SLC35G1: variants seen among roughly 807,000 people sequenced by gnomAD.
The protein encoded by SLC35G1 is solute carrier family 35 member G1.
SLC35G1 carries 10 observed loss-of-function variants against 17.1 expected under a neutral mutation model. The ratio of observed to expected loss-of-function variants is 0.59; its 90% CI spans 0.36 to 0.99. The LOEUF (loss-of-function observed/expected upper bound fraction) is 0.99, where lower values mean the gene tolerates loss of function less well. SLC35G1 is among the 50% of genes least tolerant of loss of function. SLC35G1 has a pLI of 0.01. For missense variants in SLC35G1, 433 were observed against 468.4 expected, an observed-to-expected ratio of 0.92 and a Z score of 0.70; for synonymous variants, 185 against 181.1, an observed-to-expected ratio of 1.02 and a Z score of -0.18.
downstream of SLC35G1, chr10:93,906,123 CTA>C (rs1414723457): frequency 1.3e-5 from 2 of 152,208 alleles, no homozygotes; most frequent in Non-Finnish European, 2.9e-5. Flanking sequence ...AATAATACAA[CTA>C]TATTTGATTT....
At chr10:93,906,035 A>C (rs1471118320), downstream of SLC35G1, among the ~76,000 whole-genome samples, 1 of 152,188 alleles carries the variant, frequency 6.6e-6, no homozygotes, top group Non-Finnish European at 1.5e-5. Flanking sequence ...GGCTGTTCTT[A>C]CCGCTGTTCC....
chr10:93,894,782 A>C (rs1026626005), intron 1 of SLC35G1, among the ~76,000 whole-genome samples: 1 of 152,188 alleles, frequency 6.6e-6, no homozygotes, highest in Non-Finnish European at 1.5e-5. Flanking sequence ...CTTGTTAAGA[A>C]GCTCACAGCC....
intron 2 of SLC35G1, among the ~76,000 whole-genome samples, chr10:93,899,627 A>G (rs1007933556): frequency 8.5e-5 from 13 of 152,188 alleles, no homozygotes; most frequent in African/African-American, 3.1e-4. Context: ...TATCTCTAAC[A>G]TGGTGCGGAT....
intron 2 of SLC35G1, among the ~76,000 whole-genome samples, chr10:93,899,815 C>T (rs1376711125): frequency 6.6e-6 from 1 of 152,160 alleles, no homozygotes; most frequent in African/African-American, 2.4e-5. Flanking sequence ...ATCATCTCCC[C>T]CATTTTGAAA....
intron 2 of SLC35G1, among the ~76,000 whole-genome samples, chr10:93,899,755 A>G (rs2060365061): frequency 6.6e-6 from 1 of 152,230 alleles, no homozygotes; most frequent in African/African-American, 2.4e-5. Context: ...AAATGATGGT[A>G]GGGCTTTAGA....
chr10:93,904,892 C>G (rs2060418743), downstream of SLC35G1, among the ~76,000 whole-genome samples: 1 of 152,152 alleles, frequency 6.6e-6, no homozygotes, highest in African/African-American at 2.4e-5. Flanking sequence ...GTCCTTACTC[C>G]CGAGCAGCCT....
chr10:93,894,338 C>T, intron 1 of SLC35G1, 127 bp downstream of exon 1: 3 of 926,290 alleles, frequency 3.2e-6, no homozygotes, highest in Non-Finnish European at 1.5e-6. Flanking sequence ...GCCCGGGGCT[C>T]GGGAAACCCC....
chr10:93,894,027 C>T lies in SLC35G1; in HGVS notation c.-7C>T, dbSNP rs565071219. The T allele has an allele frequency of 1.6e-3, 2,201 of 1,413,378 alleles. 4 individuals carry two copies. The highest frequency in any genetic ancestry group is 1.9e-3 in the Non-Finnish European group (2,059 of 1,090,906). The allele number at this position is 1,413,378 out of a possible 1,614,324, so 87.6% of individuals were successfully genotyped here. A position where few individuals can be genotyped will look rare whatever the true frequency, so the allele number is the denominator to read the frequency against. On this transcript the variant is annotated 5_prime_UTR_variant, in exon 1 of 3. Transcript: ENST00000427197. ...GCACCGGCCGCTGGTAGAGCGCGTG[C>T]CGCGAGATGCGGCCTCAGGACAGCA...
At chr10:93,895,060 A>G (rs1271438821) in intron 1 of SLC35G1, among the ~76,000 whole-genome samples, 1 of 152,190 alleles carries the variant, frequency 6.6e-6, no homozygotes, top group East Asian at 1.9e-4. Context: ...GAAGTCGACC[A>G]TCTACCAGGA....
At chr10:93,900,614 T>G in intron 2 of SLC35G1, 138 bp from the exon 3 acceptor site, 1 of 713,858 alleles carries the variant, frequency 1.4e-6, no homozygotes, top group Non-Finnish European at 2.1e-6. Flanking sequence ...TAATATTCAT[T>G]TGTGGATATT....
chr10:93,894,009 C>A lies in SLC35G1; in HGVS notation c.-25C>A. The A allele has an allele frequency of 1.5e-6, 2 of 1,367,710 alleles. No individual in the cohort carries two copies. Among genetic ancestry groups the A allele is most frequent in the Non-Finnish European group, 1.9e-6 (2 of 1,065,922 alleles). 84.7% of individuals were successfully genotyped at this position (1,367,710 alleles called of 1,614,324 possible). On this transcript the variant is annotated 5_prime_UTR_variant, in exon 1 of 3. Transcript: ENST00000427197. Reference sequence around the variant, plus strand: ...TGCTGCTGGCGCCAGACGGCACCGGCCGCTGGTAGAGCGCGTGCCGCGAGA... The same window carrying A: ...TGCTGCTGGCGCCAGACGGCACCGGACGCTGGTAGAGCGCGTGCCGCGAGA...
intron 1 of SLC35G1, 125 bp from the exon 2 acceptor site, chr10:93,898,446 G>T (rs1162801917): frequency 1.3e-6 from 1 of 798,926 alleles, no homozygotes; most frequent in East Asian, 2.6e-5. Flanking sequence ...CCAGAGAAAT[G>T]ATATGCTTAG....
chr10:93,905,785 T>G (rs963142234), downstream of SLC35G1, among the ~76,000 whole-genome samples: 13 of 152,210 alleles, frequency 8.5e-5, 1 homozygote, highest in Non-Finnish European at 1.5e-5. Flanking sequence ...GTAAGCCTGA[T>G]GAAGCAAAGG....
In SLC35G1 at chr10:93,901,424, T is replaced by G; in HGVS notation, c.1032T>G (p.Gly344=). The change falls in exon 3 of 3, where the codon GGT becomes GGG. Residue 344 remains glycine (G), a synonymous_variant. Coordinates refer to ENST00000427197, the MANE Select transcript of SLC35G1 (RefSeq NM_001134658.3). ...NNVPTWWTVG[G]ALCVVASNVG... is the part of the protein sequence containing the mutation. ...TGCCAACGTGGTGGACAGTGGGTGGTGCTCTCTGCGTAGTAGCCAGTAATG... is the reference window on the plus strand; with the variant it reads ...TGCCAACGTGGTGGACAGTGGGTGGGGCTCTCTGCGTAGTAGCCAGTAATG... 1 of 1,613,960 alleles carries G rather than the reference T, an allele frequency of 6.2e-7. No individual in the cohort carries two copies. The highest frequency in any genetic ancestry group is 8.5e-7 in the Non-Finnish European group (1 of 1,179,940).
chr10:93,898,020 A>G (rs980939221), intron 1 of SLC35G1, among the ~76,000 whole-genome samples: 7 of 152,212 alleles, frequency 4.6e-5, no homozygotes, highest in African/African-American at 1.4e-4. Flanking sequence ...CATTCACTGA[A>G]TATTTATCCA....
In SLC35G1 at chr10:93,900,906, A is replaced by C; in HGVS notation, c.514A>C (p.Ile172Leu). ...ITFSSPVFTS[I>L]FAWICLKEKY... Reference sequence around the variant, plus strand: ...GTTTAGCAGTCCAGTGTTTACGTCCATATTTGCTTGGATATGTCTCAAGGA... The same window carrying C: ...GTTTAGCAGTCCAGTGTTTACGTCCCTATTTGCTTGGATATGTCTCAAGGA... Residue 172 changes from isoleucine to leucine, a missense_variant, in exon 3 of 3, where the codon ATA becomes CTA. Ile to Leu is a conservative substitution (Grantham distance 5). Transcript: ENST00000427197. 6.2e-7 allele frequency: 1 copy of C among 1,614,058 alleles called. No homozygotes were observed. The highest frequency in any genetic ancestry group is 1.1e-5 in the South Asian group (1 of 91,068).
chr10:93,905,936 C>T (rs1206113431), downstream of SLC35G1, among the ~76,000 whole-genome samples: 1 of 152,074 alleles, frequency 6.6e-6, no homozygotes, highest in Non-Finnish European at 1.5e-5. Flanking sequence ...GGGTTGGGAG[C>T]TCCATGGTGC....
Position 93,901,606 on chromosome 10 carries a change from G to T in SLC35G1, c.*116G>T. ...CTTCATTGGTTGTATTTAATAAATTGCCTAAAGTACCATTTTTGAATATAG... is the reference window on the plus strand; with the variant it reads ...CTTCATTGGTTGTATTTAATAAATTTCCTAAAGTACCATTTTTGAATATAG... On this transcript the variant is annotated 3_prime_UTR_variant, in exon 3 of 3. Coordinates refer to ENST00000427197, the MANE Select transcript of SLC35G1 (RefSeq NM_001134658.3). 8.3e-7 allele frequency: 1 copy of T among 1,205,180 alleles called. No homozygotes were observed. The highest frequency in any genetic ancestry group is 1.1e-6 in the Non-Finnish European group (1 of 906,718). 74.7% of individuals were successfully genotyped at this position (1,205,180 alleles called of 1,614,324 possible).
At chr10:93,909,743 C>T (rs1237430496) in exon 3 of SLC35G1, 1 of 152,150 alleles carries the variant, frequency 6.6e-6, no homozygotes, top group Non-Finnish European at 1.5e-5. Flanking sequence ...ACCATAAGTG[C>T]AGAAGAGAAT....
Sources: gnomAD v4.1 joint callset for allele counts (sites outside exome capture counted in the v4.1 genomes callset) on GRCh38, gnomAD v4.1.1 for gene constraint, MANE v1.5 for transcripts, NCBI Gene and HGNC (gene_info 2026-07-23, HGNC 2026-07-21) for gene names.